TMOD1: variants seen among roughly 807,000 people sequenced by gnomAD.
TMOD1 encodes tropomodulin-1.
TMOD1 carries 17 observed loss-of-function variants against 40.6 expected under a neutral mutation model. That is an observed-to-expected ratio of 0.42 (90% confidence interval 0.29 to 0.63). The LOEUF is 0.63. Among genes scored for constraint, TMOD1 ranks in the 20% least tolerant of loss-of-function variants. TMOD1 has a pLI of 0.22. For synonymous variants in TMOD1, 181 were observed against 175.0 expected (o/e 1.03, Z -0.27); for missense variants, 391 against 447.6 (o/e 0.87, Z 1.14).
intron 9 of TMOD1, among the ~76,000 whole-genome samples, chr9:97,599,433 T>C (rs1826199924): frequency 1.3e-5 from 2 of 152,096 alleles, no homozygotes; most frequent in South Asian, 4.1e-4. Flanking sequence ...GAATCTCCAC[T>C]ACCACAGACC....
At chr9:97,515,620 A>G (rs1451335333) in intron 1 of TMOD1, among the ~76,000 whole-genome samples, 1 of 152,136 alleles carries the variant, frequency 6.6e-6, no homozygotes, top group African/African-American at 2.4e-5. Flanking sequence ...TTGCCTTTTG[A>G]GCAAAGGGTC....
chr9:97,563,951 A>C, intron 5 of TMOD1, 87 bp from the exon 6 acceptor site: 3 of 1,499,722 alleles, frequency 2.0e-6, no homozygotes, highest in Non-Finnish European at 1.8e-6. Context: ...CCAACCCTGC[A>C]CATGCTCCCT....
intron 2 of TMOD1, among the ~76,000 whole-genome samples, chr9:97,540,373 G>A (rs1830259381): frequency 6.6e-6 from 1 of 152,208 alleles, no homozygotes; most frequent in African/African-American, 2.4e-5. Context: ...AGGAGGTGTT[G>A]CAGCAGCTCT....
intron 1 of TMOD1, among the ~76,000 whole-genome samples, chr9:97,503,267 C>G: frequency 6.6e-6 from 1 of 152,194 alleles, no homozygotes; most frequent in Non-Finnish European, 1.5e-5. Context: ...TCAGGCAGGT[C>G]CGGGAGCTCT....
At chr9:97,505,494 G>A (rs1179353804) in intron 1 of TMOD1, among the ~76,000 whole-genome samples, 1 of 152,172 alleles carries the variant, frequency 6.6e-6, no homozygotes, top group African/African-American at 2.4e-5. Flanking sequence ...AAGGAATGAA[G>A]GAAAGCAGAA....
At chr9:97,514,889 G>C (rs1172548381) in intron 1 of TMOD1, among the ~76,000 whole-genome samples, 1 of 152,238 alleles carries the variant, frequency 6.6e-6, no homozygotes, top group African/African-American at 2.4e-5. Flanking sequence ...AGTGAACCGT[G>C]GGAAGGGGAA....
Position 97,556,438 on chromosome 9 carries a change from C to T in TMOD1, c.397+3038C>T, listed in dbSNP as rs1034714970. Among the ~76,000 whole-genome samples, 41 of 152,190 alleles carry T rather than the reference C, an allele frequency of 2.7e-4. 1 individual carries two copies. The highest frequency in any genetic ancestry group is 8.2e-4 in the African/African-American group (34 of 41,512). Reference sequence around the variant, plus strand: ...GGTGGTTGGAGCCTTTTTCACAGAGCGGGTGACTGGGACCAAGAGTGTGGG... The same window carrying T: ...GGTGGTTGGAGCCTTTTTCACAGAGTGGGTGACTGGGACCAAGAGTGTGGG... On this transcript the variant is annotated intron_variant, in intron 4 of 9. Transcript: ENST00000259365.
chr9:97,601,376 C>A lies in TMOD1; in HGVS notation c.*1678C>A. 5.6e-6 allele frequency: 6 copies of A among 1,071,656 alleles called. No homozygotes were observed. In the South Asian group the frequency reaches 9.8e-5, roughly 17 times the overall value. The allele number at this position is 1,071,656 out of a possible 1,614,324, so 66.4% of individuals were successfully genotyped here. ...CCTCAGTAAGAATGTGTCATGTATT[C>A]CAGGTGCTGATCTAAAAACTGTGGC... On this transcript the variant is annotated 3_prime_UTR_variant, in exon 10 of 10. Coordinates refer to ENST00000259365, the MANE Select transcript of TMOD1 (RefSeq NM_003275.4).
chr9:97,565,155 A>C (rs1393384934), intron 6 of TMOD1, among the ~76,000 whole-genome samples: 1 of 152,200 alleles, frequency 6.6e-6, no homozygotes, highest in Admixed American at 6.5e-5. Flanking sequence ...CACATGAGGG[A>C]TGGAATCTCC....
chr9:97,524,069 C>T (rs2131221640), intron 1 of TMOD1, 72 bp from the exon 2 acceptor site: 6 of 1,181,134 alleles, frequency 5.1e-6, no homozygotes, highest in East Asian at 2.4e-5. Context: ...GCTGTGTGAA[C>T]GATGAGCCTC....
intron 9 of TMOD1, among the ~76,000 whole-genome samples, chr9:97,592,835 A>C (rs1187098647): frequency 6.6e-6 from 1 of 152,248 alleles, no homozygotes; most frequent in Non-Finnish European, 1.5e-5. Context: ...GGAGCTATTC[A>C]TTCATTGCTC....
Position 97,553,477 on chromosome 9 carries a change from A to G in TMOD1, c.397+77A>G, listed in dbSNP as rs1830484011. On this transcript the variant is annotated intron_variant, in intron 4 of 9. Coordinates refer to ENST00000259365, the MANE Select transcript of TMOD1 (RefSeq NM_003275.4). ...ATCTGCAGGGAGCCTTGTAGGGCTC[A>G]TTTCAGCATGAACACCTTCTCTATT... 20 of 1,576,652 alleles carry G rather than the reference A, an allele frequency of 1.3e-5. No homozygotes were observed. The South Asian group carries it at 2.1e-4, about 17-fold the overall frequency.
At position 97,526,082 on chromosome 9, in the gene TMOD1, G is replaced by T. The variant is rs370439001; in HGVS notation, c.120+1774G>T. ...CATATACAGCCTTCTGGAGAATGTT[G>T]CCCCGGCCTGTAAGGTGTGGCCACC... On this transcript the variant is annotated intron_variant, in intron 2 of 9. Transcript: ENST00000259365. Among the ~76,000 whole-genome samples, 15 of 152,314 alleles carry T rather than the reference G, an allele frequency of 9.8e-5. 1 individual carries two copies. The highest frequency in any genetic ancestry group is 4.1e-4 in the South Asian group (2 of 4,826).
chr9:97,550,264 A>G (rs975995980), intron 3 of TMOD1, among the ~76,000 whole-genome samples: 1 of 152,196 alleles, frequency 6.6e-6, no homozygotes, highest in African/African-American at 2.4e-5. Flanking sequence ...TTGTGTATCC[A>G]TTCATCCACT....
At chr9:97,533,711 A>C (rs1275147938) in intron 2 of TMOD1, among the ~76,000 whole-genome samples, 2 of 152,250 alleles carry the variant, frequency 1.3e-5, no homozygotes, top group Admixed American at 1.3e-4. Flanking sequence ...CTCATTTTAC[A>C]GATGGGGGAT....
rs560708221 is a variant in TMOD1 at position 97,581,444 on chromosome 9, G to A, written c.871-9847G>A. Among the ~76,000 whole-genome samples, 502 of 152,028 alleles carry A rather than the reference G, an allele frequency of 3.3e-3. 3 individuals carry two copies. Among genetic ancestry groups the A allele is most frequent in the African/African-American group, 0.011 (457 of 41,420 alleles). On this transcript the variant is annotated intron_variant, in intron 8 of 9. Transcript: ENST00000259365. The stretch of plus-strand genomic sequence containing the variant: ...AGTCTTTGCGATTGTGAATAATGCC[G>A]CAATAAACATACGTGTGCAGGTGTC...
chr9:97,510,093 T>C (rs1829671111), intron 1 of TMOD1, among the ~76,000 whole-genome samples: 1 of 152,218 alleles, frequency 6.6e-6, no homozygotes, highest in African/African-American at 2.4e-5. Context: ...AATTTTCATA[T>C]TGGTTTTTTG....
intron 4 of TMOD1, among the ~76,000 whole-genome samples, chr9:97,558,897 A>C (rs1009424393): frequency 6.6e-6 from 1 of 152,214 alleles, no homozygotes; most frequent in African/African-American, 2.4e-5. Context: ...GAAGTGACCT[A>C]TACAGGGTTA....
At chr9:97,517,296 G>C (rs1829826561) in intron 1 of TMOD1, among the ~76,000 whole-genome samples, 1 of 151,828 alleles carries the variant, frequency 6.6e-6, no homozygotes, top group African/African-American at 2.4e-5. Context: ...GCTGCAATGA[G>C]CTATGATTAT....
Sources: gnomAD v4.1 joint callset for allele counts (sites outside exome capture counted in the v4.1 genomes callset) on GRCh38, gnomAD v4.1.1 for gene constraint, MANE v1.5 for transcripts, NCBI Gene and HGNC (gene_info 2026-07-23, HGNC 2026-07-21) for gene names.